Variants in HEATR5B observed in about 807,000 individuals in gnomAD.
HEATR5B encodes HEAT repeat containing 5B, also known as HEAT repeat-containing protein 5B.
A neutral mutation model predicts 224.1 loss-of-function variants in HEATR5B; 156 were observed. The observed-to-expected ratio is 0.70, with a 90% CI of 0.61 to 0.80. HEATR5B has a LOEUF of 0.80. HEATR5B is among the 30% of genes least tolerant of loss of function. HEATR5B has a pLI of 0.00. For synonymous variants in HEATR5B, 1,027 were observed against 893.0 expected (o/e 1.15, Z -2.68); for missense variants, 2,323 against 2,535.5 (o/e 0.92, Z 1.80).
At chr2:37,021,213 C>A in intron 24 of HEATR5B, among the ~76,000 whole-genome samples, 1 of 152,198 alleles carries the variant, frequency 6.6e-6, no homozygotes, top group East Asian at 1.9e-4. Flanking sequence ...GACCCCAAAA[C>A]TCACTATGCC....
Position 37,008,251 on chromosome 2 carries a change from T to C in HEATR5B, c.4522+360A>G, listed in dbSNP as rs147995117. The stretch of plus-strand genomic sequence containing the variant: ...AAAGCACTTTAGGAACATAATTTAT[T>C]GGCACACTAGGAATCTGAAATAGAA... On this transcript the variant is annotated intron_variant, in intron 28 of 35. Coordinates refer to ENST00000233099, the MANE Select transcript of HEATR5B (RefSeq NM_019024.3). The C allele has an allele frequency of 1.1e-3, 207 of 192,972 alleles. 2 individuals carry two copies. The Middle Eastern group carries it at 0.025, about 23-fold the overall frequency. The allele number at this position is 192,972 out of a possible 1,614,324, so 12.0% of individuals were successfully genotyped here. A position where few individuals can be genotyped will look rare whatever the true frequency, so the allele number is the denominator to read the frequency against.
chr2:37,029,936 A>AAATAAAT, intron 22 of HEATR5B, among the ~76,000 whole-genome samples: 1 of 142,530 alleles, frequency 7.0e-6, no homozygotes, highest in African/African-American at 2.6e-5. Flanking sequence ...TCTATCTCAA[A>AAATAAAT]AAATAAATAA....
intron 26 of HEATR5B, among the ~76,000 whole-genome samples, chr2:37,019,266 T>C (rs991109627): frequency 1.6e-4 from 24 of 152,154 alleles, no homozygotes; most frequent in Admixed American, 6.6e-4. Context: ...GAAATGTCTA[T>C]ATTGTGAAAT....
chr2:37,024,433 T>G (rs1390409556), intron 24 of HEATR5B, among the ~76,000 whole-genome samples: 1 of 152,252 alleles, frequency 6.6e-6, no homozygotes, highest in Non-Finnish European at 1.5e-5. Context: ...GTAATGCATT[T>G]GTTAATTTGC....
At chr2:37,082,342 C>T (rs917115848) in intron 2 of HEATR5B, among the ~76,000 whole-genome samples, 2 of 151,888 alleles carry the variant, frequency 1.3e-5, no homozygotes, top group South Asian at 2.1e-4. Context: ...AGCTTCCCAA[C>T]GTGCTGGGAT....
chr2:37,051,494 C>A (rs1032538322), intron 17 of HEATR5B, among the ~76,000 whole-genome samples: 1 of 151,718 alleles, frequency 6.6e-6, no homozygotes, highest in African/African-American at 2.4e-5. Context: ...TTATTTGAGA[C>A]CAAAAATCTA....
intron 33 of HEATR5B, among the ~76,000 whole-genome samples, chr2:36,998,820 TACTC>T (rs1342979524): frequency 6.6e-6 from 1 of 152,074 alleles, no homozygotes; most frequent in Non-Finnish European, 1.5e-5. Context: ...ATAGTTATCT[TACTC>T]TCTATATAAC....
chr2:37,032,884 G>GTT (rs5830450), intron 21 of HEATR5B, 111 bp from the exon 22 acceptor site: 11,693 of 692,144 alleles, frequency 0.017, 15 homozygotes, highest in African/African-American at 0.034. Flanking sequence ...GTTTTGTTTT[G>GTT]TTTTTTTTTT....
In HEATR5B at chr2:37,056,613, G is replaced by A. The variant is rs1455644323; in HGVS notation, c.2226C>T (p.Leu742=). 6.3e-7 allele frequency: 1 copy of A among 1,585,508 alleles called. No individual in the cohort carries two copies. Among genetic ancestry groups the A allele is most frequent in the South Asian group, 1.2e-5 (1 of 86,398 alleles). ...CACTTCCAGAGGCACTGTTTGGCTGGAGCTGCAAAAGAGTGAAATAAAAAT... is the reference window on the plus strand; with the variant it reads ...CACTTCCAGAGGCACTGTTTGGCTGAAGCTGCAAAAGAGTGAAATAAAAAT... ...ETDHKSIEDQ[L]QPNSASGSGA... is the part of the protein sequence containing the mutation. The change falls in exon 16 of 36, where the codon CTC becomes CTT. Residue 742 remains leucine (L), a splice_region_variant and synonymous_variant. Coordinates refer to ENST00000233099, the MANE Select transcript of HEATR5B (RefSeq NM_019024.3).
chr2:37,072,881 C>A (rs757292111), intron 5 of HEATR5B, among the ~76,000 whole-genome samples: 1 of 152,086 alleles, frequency 6.6e-6, no homozygotes, highest in Non-Finnish European at 1.5e-5. Flanking sequence ...AAATTGACAA[C>A]TTAGAGGAAA....
intron 27 of HEATR5B, 123 bp from the exon 28 acceptor site, chr2:37,008,971 A>G: frequency 1.3e-6 from 1 of 774,926 alleles, no homozygotes; most frequent in South Asian, 1.8e-5. Context: ...TAGAAAGTAT[A>G]CACTTTGGCT....
Position 37,032,783 on chromosome 2 carries a change from A to G in HEATR5B, c.3217-10T>C, listed in dbSNP as rs371667628. 1.8e-5 allele frequency: 29 copies of G among 1,608,864 alleles called. No homozygotes were observed. Among genetic ancestry groups the G allele is most frequent in the Non-Finnish European group, 2.3e-5 (27 of 1,178,350 alleles). On this transcript the variant is annotated splice_polypyrimidine_tract_variant and intron_variant, in intron 21 of 35. Transcript: ENST00000233099. ...AACTACATAAGTGAACCTGTAAATC[A>G]TAACAATGTTAGGCGATTTCTCTTT...
intron 18 of HEATR5B, among the ~76,000 whole-genome samples, chr2:37,045,100 C>A (rs979410917): frequency 2.0e-5 from 3 of 152,146 alleles, no homozygotes; most frequent in African/African-American, 7.2e-5. Flanking sequence ...TTTCTCACAT[C>A]ATGCTCAGGT....
chr2:37,025,687 A>G (rs1668726108), intron 24 of HEATR5B, among the ~76,000 whole-genome samples: 1 of 152,188 alleles, frequency 6.6e-6, no homozygotes, highest in Non-Finnish European at 1.5e-5. Flanking sequence ...ACCTGTGAGG[A>G]TCTCTGAGAA....
rs192391493 is a variant in HEATR5B, at chr2:37,054,587, T to C, written c.2400-980A>G. On this transcript the variant is annotated intron_variant, in intron 16 of 35. Transcript: ENST00000233099. ...GCAACCTCTGCCTCCTGGGTTCATA[T>C]GATTCTCCTGCCTCAGCCTCCCGAG... Among the ~76,000 whole-genome samples, 11 of 150,970 alleles carry C rather than the reference T, an allele frequency of 7.3e-5. No individual in the cohort carries two copies. The East Asian group carries it at 1.9e-3, about 27-fold the overall frequency.
At chr2:37,083,550 A>G in intron 1 of HEATR5B, 114 bp from the exon 2 acceptor site, 1 of 772,708 alleles carries the variant, frequency 1.3e-6, no homozygotes, top group Non-Finnish European at 2.0e-6. Flanking sequence ...TTGGGGAAAA[A>G]CTCAACTTCT....
chr2:37,007,385 C>T, intron 28 of HEATR5B, 81 bp from the exon 29 acceptor site: 1 of 1,420,048 alleles, frequency 7.0e-7, no homozygotes, highest in Middle Eastern at 2.6e-4. Context: ...GTTCTGTCGC[C>T]CAGGCTGGAG....
At chr2:36,995,677 C>A (rs867263692) in intron 33 of HEATR5B, among the ~76,000 whole-genome samples, 2 of 152,096 alleles carry the variant, frequency 1.3e-5, no homozygotes, top group Non-Finnish European at 2.9e-5. Flanking sequence ...GGTTTAATTT[C>A]TTCGGGTCTG....
intron 26 of HEATR5B, among the ~76,000 whole-genome samples, chr2:37,018,587 G>T (rs1668268994): frequency 1.3e-5 from 2 of 152,184 alleles, no homozygotes; most frequent in African/African-American, 4.8e-5. Flanking sequence ...GGGCAAACTT[G>T]CATTCAGCTA....
Sources: allele counts gnomAD v4.1 joint callset (sites outside exome capture counted in the v4.1 genomes callset), GRCh38; gene constraint gnomAD v4.1.1; transcripts MANE v1.5; gene names NCBI Gene and HGNC (gene_info 2026-07-23, HGNC 2026-07-21).